Variants in RNF212B observed in about 807,000 individuals in gnomAD.
RNF212B encodes the protein E3 ubiquitin-protein ligase RNF212B.
In RNF212B, 52 loss-of-function variants were observed where a neutral mutation model predicts 55.5. The observed-to-expected ratio is 0.94, with a 90% confidence interval of 0.75 to 1.18. The LOEUF is 1.18. Ranked by LOEUF, RNF212B falls within the 50% of genes most tolerant of loss-of-function variation. The pLI is 0.00. For synonymous variants in RNF212B, 99 were observed against 121.4 expected, an observed-to-expected ratio of 0.82 and a Z score of 1.21; for missense variants, 289 against 350.4, an observed-to-expected ratio of 0.82 and a Z score of 1.40.
intron 7 of RNF212B, among the ~76,000 whole-genome samples, chr14:23,261,737 G>A (rs138761490): frequency 8.3e-4 from 126 of 152,270 alleles, no homozygotes; most frequent in Middle Eastern, 3.4e-3. Context: ...CAAGGTGGGC[G>A]GATCATGGGG....
chr14:23,238,924 G>C (rs1883351515), intron 1 of RNF212B, among the ~76,000 whole-genome samples: 2 of 152,016 alleles, frequency 1.3e-5, no homozygotes, highest in South Asian at 2.1e-4. Flanking sequence ...ACTTTACATG[G>C]GGAATCAGGA....
chr14:23,236,642 A>G (rs1469602710), upstream of RNF212B, among the ~76,000 whole-genome samples: 1 of 152,208 alleles, frequency 6.6e-6, no homozygotes, highest in African/African-American at 2.4e-5. Context: ...TAAATATTTT[A>G]AAATTTCTCA....
chr14:23,257,207 G>T (rs1210402361), intron 4 of RNF212B, among the ~76,000 whole-genome samples: 2 of 152,056 alleles, frequency 1.3e-5, no homozygotes, highest in Non-Finnish European at 2.9e-5. Flanking sequence ...CATAGAGACA[G>T]GGTCTTGCTA....
chr14:23,221,504 T>A (rs1425008188), intron 2 of RNF212B, among the ~76,000 whole-genome samples: 1 of 152,208 alleles, frequency 6.6e-6, no homozygotes, highest in African/African-American at 2.4e-5. Context: ...CAAATATTAT[T>A]AGAGCTAAAG....
chr14:23,237,939 T>C lies in RNF212B; in HGVS notation c.-118T>C, dbSNP rs758368527. 1.1e-4 allele frequency among the ~76,000 whole-genome samples: 16 copies of C among 152,312 alleles called. No individual in the cohort carries two copies. The highest frequency in any genetic ancestry group is 2.1e-4 in the Non-Finnish European group (14 of 68,028). ...CACCGCCTCGGCTGCGCCCAGCCTC[T>C]TTCCTCACCCGGTGCCAAGCCAGCT... On this transcript the variant is annotated 5_prime_UTR_variant, in exon 1 of 15. Transcript: ENST00000430154.
chr14:23,209,676 T>C (rs574494545), intron 2 of RNF212B, among the ~76,000 whole-genome samples: 19 of 152,300 alleles, frequency 1.2e-4, no homozygotes, highest in African/African-American at 3.8e-4. Context: ...GTAGGCTGGA[T>C]TGAGGGACTC....
chr14:23,190,009 G>A (rs550417685), intron 1 of RNF212B, among the ~76,000 whole-genome samples: 1 of 152,058 alleles, frequency 6.6e-6, no homozygotes, highest in Non-Finnish European at 1.5e-5. Context: ...ACCACCGGTG[G>A]TCCAATCTAG....
intron 2 of RNF212B, among the ~76,000 whole-genome samples, chr14:23,218,695 G>T (rs1311006856): frequency 6.6e-6 from 1 of 152,158 alleles, no homozygotes; most frequent in Middle Eastern, 3.4e-3. Flanking sequence ...GCCTCAAAAG[G>T]GCAAATGTGA....
At chr14:23,189,921 C>A (rs1314987452) in intron 1 of RNF212B, among the ~76,000 whole-genome samples, 2 of 152,184 alleles carry the variant, frequency 1.3e-5, no homozygotes, top group East Asian at 3.8e-4. Flanking sequence ...CTTGGAATTA[C>A]CACATCAAAG....
intron 2 of RNF212B, among the ~76,000 whole-genome samples, chr14:23,225,396 G>C (rs933476184): frequency 9.9e-5 from 15 of 152,178 alleles, no homozygotes; most frequent in Non-Finnish European, 2.2e-4. Flanking sequence ...CCAAGATTTG[G>C]AAGCAACTTA....
intron 2 of RNF212B, among the ~76,000 whole-genome samples, chr14:23,229,220 T>TTTTATATATA (rs1183907201): frequency 1.8e-3 from 114 of 64,944 alleles, no homozygotes; most frequent in Middle Eastern, 0.011. Flanking sequence ...GAATAATATT[T>TTTTATATATA]TATATATATA....
intron 9 of RNF212B, 143 bp from the exon 10 acceptor site, chr14:23,264,031 T>G: frequency 2.6e-4 from 147 of 565,972 alleles, no homozygotes; most frequent in East Asian, 4.2e-4. Context: ...GAGGCTGCAG[T>G]GAGCTAAGCT....
At chr14:23,253,511 C>T (rs1884567537) in intron 4 of RNF212B, among the ~76,000 whole-genome samples, 1 of 151,932 alleles carries the variant, frequency 6.6e-6, no homozygotes, top group Non-Finnish European at 1.5e-5. Context: ...TAGGGTTTAT[C>T]ACCATCATTG....
At chr14:23,191,521 A>G (rs1269155218) in intron 1 of RNF212B, among the ~76,000 whole-genome samples, 2 of 152,028 alleles carry the variant, frequency 1.3e-5, no homozygotes, top group Admixed American at 6.6e-5. Flanking sequence ...TGGTTTTTCT[A>G]GGGGGTAATG....
chr14:23,214,818 T>C (rs973392923), intron 2 of RNF212B, among the ~76,000 whole-genome samples: 7 of 152,058 alleles, frequency 4.6e-5, no homozygotes, highest in Admixed American at 6.5e-5. Flanking sequence ...GAAGAAATAA[T>C]GGCTGAAACC....
At chr14:23,194,886 C>G (rs1460000223) in intron 2 of RNF212B, among the ~76,000 whole-genome samples, 1 of 151,798 alleles carries the variant, frequency 6.6e-6, no homozygotes, top group African/African-American at 2.4e-5. Context: ...ACATTATTTC[C>G]AAGTATGCAT....
chr14:23,270,645 A>G lies in RNF212B; in HGVS notation c.818A>G (p.Gln273Arg). 1 of 1,550,186 alleles carries G rather than the reference A, an allele frequency of 6.5e-7. No individual in the cohort carries two copies. Among genetic ancestry groups the G allele is most frequent in the Non-Finnish European group, 8.7e-7 (1 of 1,146,264 alleles). ...TTTLESLPSF[Q>R]LPVLQTLYQQ... Reference sequence around the variant, plus strand: ...ACACTAGAGAGTCTTCCTAGTTTCCAGCTACCAGTCCTGCAGGTGAGACCT... The same window carrying G: ...ACACTAGAGAGTCTTCCTAGTTTCCGGCTACCAGTCCTGCAGGTGAGACCT... The change falls in exon 14 of 15, where the codon CAG becomes CGG. Residue 273 changes from glutamine (Q) to arginine (R), a missense_variant. Transcript: ENST00000430154.
At chr14:23,239,453 C>T (rs1883393948) in intron 1 of RNF212B, among the ~76,000 whole-genome samples, 2 of 152,266 alleles carry the variant, frequency 1.3e-5, no homozygotes, top group Non-Finnish European at 2.9e-5. Flanking sequence ...AGCCCTATTT[C>T]CCTTAGATAA....
intron 14 of RNF212B, among the ~76,000 whole-genome samples, chr14:23,271,381 T>C (rs1054868538): frequency 6.6e-6 from 1 of 151,286 alleles, no homozygotes; most frequent in African/African-American, 2.4e-5. Context: ...AGGCGGAGCT[T>C]GCAGTGAGCC....
Sources: gnomAD v4.1 joint callset for allele counts (sites outside exome capture counted in the v4.1 genomes callset) on GRCh38, gnomAD v4.1.1 for gene constraint, MANE v1.5 for transcripts, NCBI Gene and HGNC (gene_info 2026-07-23, HGNC 2026-07-21) for gene names.